The following UMAD1 variants were observed in gnomAD, a reference collection of about 807,000 sequenced individuals.
The protein encoded by UMAD1 is UBAP1-MVB12-associated (UMA) domain containing 1.
In UMAD1, 8 loss-of-function variants were observed where a neutral mutation model predicts 6.1. That is an observed-to-expected ratio of 1.30 (90% CI 0.76 to 2.35). The LOEUF (loss-of-function observed/expected upper bound fraction) is 2.35. UMAD1 is among the 30% of genes most tolerant of loss of function. The pLI is 0.00. For synonymous variants in UMAD1, 56 were observed against 31.4 expected (o/e 1.78, Z -2.61); for missense variants, 130 against 78.4 (o/e 1.66, Z -2.49).
At chr7:7,854,567 A>C (rs1317291345) in intron 3 of UMAD1, among the ~76,000 whole-genome samples, 1 of 151,922 alleles carries the variant, frequency 6.6e-6, no homozygotes. Context: ...AACATGGGGG[A>C]AACCACCCCC....
chr7:7,805,747 T>A (rs1469053537), intron 3 of UMAD1, among the ~76,000 whole-genome samples: 1 of 152,198 alleles, frequency 6.6e-6, no homozygotes, highest in Non-Finnish European at 1.5e-5. Flanking sequence ...GCTTTGTATT[T>A]GCTAGTCATT....
At chr7:7,666,753 T>G (rs952230789) in intron 1 of UMAD1, among the ~76,000 whole-genome samples, 4 of 152,158 alleles carry the variant, frequency 2.6e-5, no homozygotes, top group Admixed American at 1.3e-4. Context: ...TTATCAAATA[T>G]GTGATTTCCA....
intron 2 of UMAD1, among the ~76,000 whole-genome samples, chr7:7,682,941 T>C (rs1779948490): frequency 6.6e-6 from 1 of 152,262 alleles, no homozygotes; most frequent in South Asian, 2.1e-4. Flanking sequence ...CACTGTTACC[T>C]GATTCTGGTT....
chr7:7,843,599 T>A (rs1043882584), intron 3 of UMAD1, among the ~76,000 whole-genome samples: 1 of 152,228 alleles, frequency 6.6e-6, no homozygotes, highest in African/African-American at 2.4e-5. Flanking sequence ...AACATTTTAT[T>A]GTGCTGTTTA....
chr7:7,694,703 T>C (rs1780266046), intron 2 of UMAD1, among the ~76,000 whole-genome samples: 1 of 152,230 alleles, frequency 6.6e-6, no homozygotes, highest in South Asian at 2.1e-4. Context: ...TATGTTGTTG[T>C]AAATGACAGG....
chr7:7,701,626 G>A (rs1563136302), intron 2 of UMAD1, among the ~76,000 whole-genome samples: 1 of 152,136 alleles, frequency 6.6e-6, no homozygotes, highest in Non-Finnish European at 1.5e-5. Context: ...TATGGGTCTT[G>A]CTTATAAGGT....
chr7:7,656,571 G>C (rs756830630), intron 1 of UMAD1, among the ~76,000 whole-genome samples: 3 of 152,090 alleles, frequency 2.0e-5, no homozygotes, highest in Non-Finnish European at 4.4e-5. Context: ...GTGGTGTTTG[G>C]TTTTCTGTTC....
intron 3 of UMAD1, among the ~76,000 whole-genome samples, chr7:7,808,417 T>G (rs907841386): frequency 2.0e-5 from 3 of 152,164 alleles, no homozygotes; most frequent in African/African-American, 7.2e-5. Flanking sequence ...TTTTTCAATT[T>G]GTAGTCTTGG....
At chr7:7,745,759 G>T (rs1335974430) in intron 2 of UMAD1, among the ~76,000 whole-genome samples, 2 of 152,292 alleles carry the variant, frequency 1.3e-5, no homozygotes, top group South Asian at 4.1e-4. Flanking sequence ...AAGTAGTCTA[G>T]TACGATGACA....
intron 1 of UMAD1, among the ~76,000 whole-genome samples, chr7:7,643,800 C>T (rs1170560364): frequency 6.6e-6 from 1 of 151,886 alleles, no homozygotes; most frequent in Non-Finnish European, 1.5e-5. Flanking sequence ...CACATTCCCG[C>T]TTGGGTCTCT....
chr7:7,699,663 A>G (rs1360550287), intron 2 of UMAD1, among the ~76,000 whole-genome samples: 1 of 152,224 alleles, frequency 6.6e-6, no homozygotes, highest in East Asian at 1.9e-4. Flanking sequence ...GGCTTTTCAC[A>G]TTTATCCCTA....
chr7:7,645,038 T>C lies in UMAD1; in HGVS notation c.-64+4217T>C, dbSNP rs1462176071. 3.3e-5 allele frequency among the ~76,000 whole-genome samples: 5 copies of C among 152,344 alleles called. No individual in the cohort carries two copies. The East Asian group carries it at 5.8e-4, about 18-fold the overall frequency. ...AGCTTAGATTTATTCCTAGATACCT[T>C]GTTTTTGTTGCTATTATGAATGGTA... On this transcript the variant is annotated intron_variant, in intron 1 of 3. Coordinates refer to ENST00000682710, the MANE Select transcript of UMAD1 (RefSeq NM_001302348.2).
chr7:7,660,571 G>T (rs1044877670), intron 1 of UMAD1, among the ~76,000 whole-genome samples: 14 of 152,148 alleles, frequency 9.2e-5, no homozygotes, highest in Non-Finnish European at 1.8e-4. Context: ...AGCTTAGTTT[G>T]GCTGGATATG....
chr7:7,847,105 ATATATATATATATATAT>A lies in UMAD1; in HGVS notation c.157-30175_157-30159del, dbSNP rs1404924173. Among the ~76,000 whole-genome samples, 16 of 4,540 alleles carry A rather than the reference ATATATATATATATATAT, an allele frequency of 3.5e-3. 3 individuals are homozygous for A. Among genetic ancestry groups the A allele is most frequent in the African/African-American group, 0.025 (14 of 566 alleles). 3.0% of individuals were successfully genotyped at this position (4,540 alleles called of 152,430 possible). The stretch of plus-strand genomic sequence containing the variant: ...AGCAATGCAAAAAAAAAAAAAAAAA[ATATATATATATATATAT>A]ATATATATATATATATATATATATA... On this transcript the variant is annotated intron_variant, in intron 3 of 3. Coordinates refer to ENST00000682710, the MANE Select transcript of UMAD1 (RefSeq NM_001302348.2).
At chr7:7,800,618 G>A (rs902353939) in intron 2 of UMAD1, among the ~76,000 whole-genome samples, 2 of 152,138 alleles carry the variant, frequency 1.3e-5, no homozygotes, top group South Asian at 2.1e-4. Flanking sequence ...AGTCCCCAAA[G>A]TCTAATGTAT....
intron 2 of UMAD1, among the ~76,000 whole-genome samples, chr7:7,678,737 A>G (rs2011142930): frequency 1.6e-5 from 2 of 127,142 alleles, no homozygotes; most frequent in Admixed American, 8.1e-5. Context: ...ATATTTATAT[A>G]TTTAGTTTAT....
intron 2 of UMAD1, among the ~76,000 whole-genome samples, chr7:7,681,703 C>G (rs1653869062): frequency 6.6e-6 from 1 of 152,044 alleles, no homozygotes; most frequent in African/African-American, 2.4e-5. Context: ...TAGCCTTATA[C>G]TACTATTTAA....
chr7:7,741,578 AAATAATAATAATAATAAT>A (rs201307561), intron 2 of UMAD1, among the ~76,000 whole-genome samples: 3 of 139,396 alleles, frequency 2.2e-5, no homozygotes, highest in East Asian at 2.0e-4. Flanking sequence ...CAACGTCTCA[AAATAATAATAATAATAAT>A]AATAATAATA....
At chr7:7,643,438 C>T (rs1159544394) in intron 1 of UMAD1, among the ~76,000 whole-genome samples, 1 of 152,178 alleles carries the variant, frequency 6.6e-6, no homozygotes, top group African/African-American at 2.4e-5. Context: ...GGGCCGGGCG[C>T]GGTGGCTCAC....
Sources: gnomAD v4.1 joint callset for allele counts (sites outside exome capture counted in the v4.1 genomes callset) on GRCh38, gnomAD v4.1.1 for gene constraint, MANE v1.5 for transcripts, NCBI Gene and HGNC (gene_info 2026-07-23, HGNC 2026-07-21) for gene names.